MDM2: variants seen among roughly 807,000 people sequenced by gnomAD.
MDM2 encodes the protein MDM2 proto-oncogene.
MDM2 carries 11 observed loss-of-function variants against 64.3 expected under a neutral mutation model. The observed-to-expected ratio is 0.17, with a 90% CI of 0.11 to 0.28. The LOEUF (loss-of-function observed/expected upper bound fraction) is 0.28. Among genes scored for constraint, MDM2 ranks in the 10% least tolerant of loss-of-function variants. The pLI is 1.00. For missense variants in MDM2, 388 were observed against 577.1 expected (o/e 0.67, Z 3.36); for synonymous variants, 194 against 192.9 (o/e 1.01, Z -0.05).
At chr12:68,812,127 G>T (rs1312051771) in intron 2 of MDM2, among the ~76,000 whole-genome samples, 1 of 151,940 alleles carries the variant, frequency 6.6e-6, no homozygotes, top group Admixed American at 6.6e-5. Context: ...GAGAAAAAAG[G>T]TTATTTTTAA....
intron 7 of MDM2, among the ~76,000 whole-genome samples, chr12:68,826,958 C>T (rs982978755): frequency 1.3e-5 from 2 of 152,020 alleles, no homozygotes; most frequent in African/African-American, 2.4e-5. Flanking sequence ...GGGAGGATCA[C>T]GAGGTCAGGA....
chr12:68,833,126 CAAAAAAAAA>C (rs35815088), intron 8 of MDM2, among the ~76,000 whole-genome samples: 1,632 of 61,634 alleles, frequency 0.026, 44 homozygotes, highest in African/African-American at 0.079. Context: ...ACTCTGTCTC[CAAAAAAAAA>C]AAAAAAAAAA....
intron 4 of MDM2, among the ~76,000 whole-genome samples, chr12:68,819,288 G>GA (rs1021614267): frequency 6.6e-6 from 1 of 152,040 alleles, no homozygotes; most frequent in African/African-American, 2.4e-5. Flanking sequence ...AAAACAAAAG[G>GA]AAAAATCCAT....
intron 10 of MDM2, among the ~76,000 whole-genome samples, chr12:68,838,159 A>C (rs1050755342): frequency 6.6e-6 from 1 of 152,218 alleles, no homozygotes; most frequent in Non-Finnish European, 1.5e-5. Flanking sequence ...AAAAAGAAGA[A>C]TGAATAGTCT....
chr12:68,841,285 C>T lies in MDM2; in HGVS notation c.*1436C>T, dbSNP rs2136183536. 5.0e-6 allele frequency: 1 copy of T among 201,732 alleles called. No individual in the cohort carries two copies. Among genetic ancestry groups the T allele is most frequent in the Non-Finnish European group, 1.0e-5 (1 of 98,186 alleles). 12.5% of individuals were successfully genotyped at this position (201,732 alleles called of 1,614,324 possible). On this transcript the variant is annotated 3_prime_UTR_variant, in exon 11 of 11. Transcript: ENST00000258149. ...GGTTTTCTTGATTTAACAATAGAGA[C>T]AGGGTCTCCCTGTGTTGCCCAGGCT...
At chr12:68,820,559 G>A in intron 5 of MDM2, 185 bp downstream of exon 5, 1 of 567,064 alleles carries the variant, frequency 1.8e-6, no homozygotes, top group Non-Finnish European at 3.1e-6. Flanking sequence ...AGGTTCTAAT[G>A]TAAAGTTAAA....
At chr12:68,829,937 A>G (rs989511653) in intron 8 of MDM2, among the ~76,000 whole-genome samples, 3 of 152,254 alleles carry the variant, frequency 2.0e-5, no homozygotes, top group African/African-American at 7.2e-5. Context: ...TGCTTGACAA[A>G]TGGAATATTT....
chr12:68,809,542 C>G (rs896673770), intron 2 of MDM2, among the ~76,000 whole-genome samples: 4 of 152,084 alleles, frequency 2.6e-5, no homozygotes, highest in Admixed American at 6.5e-5. Context: ...GTTGAAGTTA[C>G]GTTTGTTACG....
chr12:68,817,922 C>G (rs575832794), intron 4 of MDM2, among the ~76,000 whole-genome samples: 69 of 151,950 alleles, frequency 4.5e-4, no homozygotes, highest in Non-Finnish European at 7.9e-4. Context: ...CTCGGCTTCC[C>G]GAGTAGCTGG....
In MDM2 at chr12:68,843,066, C is replaced by T. The variant is rs1186211280; in HGVS notation, c.*3217C>T. 1.4e-5 allele frequency: 3 copies of T among 220,000 alleles called. No individual in the cohort carries two copies. Among genetic ancestry groups the T allele is most frequent in the Non-Finnish European group, 2.7e-5 (3 of 110,046 alleles). The allele number at this position is 220,000 out of a possible 1,614,324, so 13.6% of individuals were successfully genotyped here. ...AATGATCTAGAAGCAGATGTTATCTCAGTGCCTTTTGCAATTTGTTGTGTG... is the reference window on the plus strand; with the variant it reads ...AATGATCTAGAAGCAGATGTTATCTTAGTGCCTTTTGCAATTTGTTGTGTG... On this transcript the variant is annotated 3_prime_UTR_variant, in exon 11 of 11. Transcript: ENST00000258149.
chr12:68,828,813 G>A lies in MDM2; in HGVS notation c.566G>A (p.Arg189His), dbSNP rs1194693256. 9 of 1,613,872 alleles carry A rather than the reference G, an allele frequency of 5.6e-6. No homozygotes were observed. The highest frequency in any genetic ancestry group is 2.2e-5 in the East Asian group (1 of 44,854). The change falls in exon 8 of 11, where the codon CGC becomes CAC. Residue 189 changes from arginine (R) to histidine (H), a missense_variant. Physicochemically the swap from Arg to His is conservative, Grantham distance 29. Coordinates refer to ENST00000258149, the MANE Select transcript of MDM2 (RefSeq NM_002392.6). Reference protein sequence around the residue: ...DELSGERQRKRHKSDSISLSF... With the variant: ...DELSGERQRKHHKSDSISLSF... ...TTATCTGGTGAACGACAAAGAAAAC[G>A]CCACAAATCTGATAGTATTTCCCTT...
At chr12:68,821,662 G>A (rs1373995966) in intron 5 of MDM2, among the ~76,000 whole-genome samples, 1 of 152,136 alleles carries the variant, frequency 6.6e-6, no homozygotes, top group Non-Finnish European at 1.5e-5. Context: ...GGTCAGGACT[G>A]TAGTGAACTG....
At chr12:68,822,287 A>G (rs957464491) in intron 5 of MDM2, among the ~76,000 whole-genome samples, 3 of 152,232 alleles carry the variant, frequency 2.0e-5, no homozygotes, top group Non-Finnish European at 2.9e-5. Flanking sequence ...GTTAGGATTT[A>G]AAGCCCAGAA....
At chr12:68,846,389 A>G (rs1884300226), downstream of MDM2, 1 of 152,204 alleles carries the variant, frequency 6.6e-6, no homozygotes, top group African/African-American at 2.4e-5. Flanking sequence ...GCCAAGCCCA[A>G]AATTTCACCT....
At chr12:68,824,168 A>G (rs187912804) in intron 5 of MDM2, 195 bp from the exon 6 acceptor site, 2 of 551,480 alleles carry the variant, frequency 3.6e-6, no homozygotes, top group Admixed American at 7.1e-5. Context: ...TTACTCTTCT[A>G]CATTAAAGTT....
chr12:68,825,613 A>T (rs1882249900), intron 7 of MDM2, among the ~76,000 whole-genome samples: 1 of 152,250 alleles, frequency 6.6e-6, no homozygotes, highest in Non-Finnish European at 1.5e-5. Flanking sequence ...AGATCACGCC[A>T]CTGCACTCCG....
At chr12:68,833,196 A>G (rs1385923485) in intron 8 of MDM2, among the ~76,000 whole-genome samples, 2 of 130,528 alleles carry the variant, frequency 1.5e-5, no homozygotes. Flanking sequence ...TAAATATATA[A>G]TATATAATTA....
chr12:68,810,725 T>C (rs1880810737), intron 2 of MDM2, among the ~76,000 whole-genome samples: 1 of 152,142 alleles, frequency 6.6e-6, no homozygotes. Context: ...CCTCCCAAAG[T>C]GCTGGGATTA....
chr12:68,809,155 C>G, intron 1 of MDM2, 53 bp from the exon 2 acceptor site: 1 of 1,604,758 alleles, frequency 6.2e-7, no homozygotes, highest in Non-Finnish European at 8.5e-7. Context: ...GATGTATTTT[C>G]CACAGATGTT....
Sources: gnomAD v4.1 joint callset for allele counts (sites outside exome capture counted in the v4.1 genomes callset) on GRCh38, gnomAD v4.1.1 for gene constraint, MANE v1.5 for transcripts, NCBI Gene and HGNC (gene_info 2026-07-23, HGNC 2026-07-21) for gene names.